Variants in ANKRD27 observed in about 807,000 individuals in gnomAD.
ANKRD27 encodes ankyrin repeat domain-containing protein 27.
ANKRD27 carries 112 observed loss-of-function variants against 129.7 expected under a neutral mutation model. That is an observed-to-expected ratio of 0.86 (90% CI 0.74 to 1.01). ANKRD27 has a LOEUF of 1.01. Among genes scored for constraint, ANKRD27 ranks in the 50% least tolerant of loss-of-function variants. The probability of loss-of-function intolerance (pLI) is 0.00; values close to 1 mark genes in which losing one functional copy is unlikely to be tolerated. For missense variants in ANKRD27, 1,258 were observed against 1,300.5 expected (o/e 0.97, Z 0.50); for synonymous variants, 516 against 511.2 (o/e 1.01, Z -0.13).
chr19:32,599,614 G>T, intron 28 of ANKRD27, 90 bp downstream of exon 28: 1 of 1,161,114 alleles, frequency 8.6e-7, no homozygotes, highest in South Asian at 1.4e-5. Context: ...TAATGAAGAT[G>T]ACGATCAAGG....
chr19:32,620,126 G>A (rs1971985173), intron 18 of ANKRD27, among the ~76,000 whole-genome samples: 2 of 152,078 alleles, frequency 1.3e-5, no homozygotes, highest in Non-Finnish European at 2.9e-5. Flanking sequence ...CCAGAAAGCT[G>A]CGACCTTGGC....
chr19:32,624,139 G>A (rs1424244277), intron 17 of ANKRD27, among the ~76,000 whole-genome samples: 1 of 152,058 alleles, frequency 6.6e-6, no homozygotes, highest in African/African-American at 2.4e-5. Context: ...GGCTGAGGCA[G>A]GCGGATCACT....
chr19:32,661,928 T>G (rs1967652935), intron 1 of ANKRD27, among the ~76,000 whole-genome samples: 1 of 152,212 alleles, frequency 6.6e-6, no homozygotes, highest in Non-Finnish European at 1.5e-5. Flanking sequence ...GCTTTTAAGG[T>G]CAGTGCTTTT....
At chr19:32,668,746 A>T (rs571279380) in intron 1 of ANKRD27, among the ~76,000 whole-genome samples, 1 of 151,772 alleles carries the variant, frequency 6.6e-6, no homozygotes, top group East Asian at 1.9e-4. Flanking sequence ...CACCGTGCCC[A>T]GCTAATTTTT....
chr19:32,636,723 C>CTCTCTA (rs1303688619), intron 12 of ANKRD27, among the ~76,000 whole-genome samples: 3 of 143,272 alleles, frequency 2.1e-5, no homozygotes, highest in Non-Finnish European at 4.6e-5. Context: ...CTCTCTCTCT[C>CTCTCTA]TATATATATA....
chr19:32,668,062 C>T (rs888659506), intron 1 of ANKRD27, among the ~76,000 whole-genome samples: 7 of 152,144 alleles, frequency 4.6e-5, no homozygotes, highest in Non-Finnish European at 8.8e-5. Flanking sequence ...GAATTCTATT[C>T]CTTGGAACTA....
At chr19:32,661,583 T>A (rs1202184413) in intron 1 of ANKRD27, among the ~76,000 whole-genome samples, 1 of 151,952 alleles carries the variant, frequency 6.6e-6, no homozygotes, top group East Asian at 1.9e-4. Flanking sequence ...CCTGATGCAA[T>A]CCTCCCACCT....
chr19:32,604,031 T>C (rs1395216514), intron 25 of ANKRD27, among the ~76,000 whole-genome samples: 4 of 152,166 alleles, frequency 2.6e-5, no homozygotes, highest in Admixed American at 6.5e-5. Flanking sequence ...CTCAGGCCTT[T>C]GAAAACCACC....
At chr19:32,628,656 G>T in intron 14 of ANKRD27, 66 bp downstream of exon 14, 1 of 1,599,464 alleles carries the variant, frequency 6.3e-7, no homozygotes, top group South Asian at 1.1e-5. Flanking sequence ...AGCGCACAGT[G>T]GAGAAGGTCC....
chr19:32,663,324 T>C (rs1967682534), intron 1 of ANKRD27, among the ~76,000 whole-genome samples: 1 of 152,132 alleles, frequency 6.6e-6, no homozygotes, highest in Non-Finnish European at 1.5e-5. Flanking sequence ...TCACACAACG[T>C]AGGAAGTAAT....
chr19:32,614,091 G>A (rs889911726), intron 22 of ANKRD27, among the ~76,000 whole-genome samples: 4 of 152,010 alleles, frequency 2.6e-5, no homozygotes, highest in Non-Finnish European at 4.4e-5. Context: ...GTGGCAGGGA[G>A]AGAGGTGGGT....
At chr19:32,663,553 C>A (rs1242527456) in intron 1 of ANKRD27, among the ~76,000 whole-genome samples, 2 of 152,110 alleles carry the variant, frequency 1.3e-5, no homozygotes, top group Non-Finnish European at 2.9e-5. Flanking sequence ...GTAAGCCAAT[C>A]GTCCCATCAT....
intron 13 of ANKRD27, among the ~76,000 whole-genome samples, chr19:32,630,459 C>A (rs999190680): frequency 3.9e-5 from 6 of 152,370 alleles, no homozygotes; most frequent in African/African-American, 1.4e-4. Context: ...CGCCCATAAA[C>A]ATCTGACAAC....
chr19:32,645,404 C>T (rs1370466124), intron 4 of ANKRD27, among the ~76,000 whole-genome samples: 1 of 151,686 alleles, frequency 6.6e-6, no homozygotes, highest in Non-Finnish European at 1.5e-5. Context: ...GAGCAAGACT[C>T]CATCTCAAAA....
intron 17 of ANKRD27, among the ~76,000 whole-genome samples, chr19:32,625,175 G>C (rs1972070286): frequency 6.6e-6 from 1 of 152,036 alleles, no homozygotes; most frequent in Admixed American, 6.6e-5. Flanking sequence ...AGAATCGCTT[G>C]AACCTGGAAG....
At position 32,614,018 on chromosome 19, in the gene ANKRD27, A is replaced by T. The variant is rs115578924; in HGVS notation, c.2175+1640T>A. On this transcript the variant is annotated intron_variant, in intron 22 of 28. Coordinates refer to ENST00000306065, the MANE Select transcript of ANKRD27 (RefSeq NM_032139.3). The stretch of plus-strand genomic sequence containing the variant: ...CCACTTATGTAACGTTTTTGAAGTG[A>T]CAGGATTAGGGAAATGGAGAACAGG... Among the ~76,000 whole-genome samples, 239 of 152,150 alleles carry T rather than the reference A, an allele frequency of 1.6e-3. 1 individual carries two copies. The highest frequency in any genetic ancestry group is 5.6e-3 in the African/African-American group (231 of 41,516).
In ANKRD27 at chr19:32,604,349, A is replaced by G. The variant is rs757710048; in HGVS notation, c.2569T>C (p.Phe857Leu). The change falls in exon 25 of 29, where the codon TTC becomes CTC. Residue 857 changes from phenylalanine to leucine, a missense_variant. Phe to Leu is a conservative substitution (Grantham distance 22). Coordinates refer to ENST00000306065, the MANE Select transcript of ANKRD27 (RefSeq NM_032139.3). The stretch of plus-strand genomic sequence containing the variant: ...TGGAGCAGAAGCAGCTCTACCACGA[A>G]GACGTGCTTTTCAATCACAGCCTCG... Reference protein sequence around the residue: ...LHEAVIEKHVFVVELLLLHGA... With the variant: ...LHEAVIEKHVLVVELLLLHGA... The G allele has an allele frequency of 1.9e-6, 3 of 1,613,932 alleles. No individual in the cohort carries two copies. Among genetic ancestry groups the G allele is most frequent in the Non-Finnish European group, 2.5e-6 (3 of 1,179,816 alleles).
chr19:32,630,056 C>T (rs1332911281), intron 13 of ANKRD27, among the ~76,000 whole-genome samples: 1 of 152,064 alleles, frequency 6.6e-6, no homozygotes, highest in African/African-American at 2.4e-5. Context: ...GTGCACACCA[C>T]CATGCCCAGC....
chr19:32,602,084 C>A lies in ANKRD27; in HGVS notation c.2698G>T (p.Val900Phe). 1 of 1,614,012 alleles carries A rather than the reference C, an allele frequency of 6.2e-7. No individual in the cohort carries two copies. Among genetic ancestry groups the A allele is most frequent in the Non-Finnish European group, 8.5e-7 (1 of 1,179,936 alleles). ...TCAGCCACATCATCTAATGAAGCAACACAGCTTGGTACCACCTGAAGCAAT... is the reference window on the plus strand; with the variant it reads ...TCAGCCACATCATCTAATGAAGCAAAACAGCTTGGTACCACCTGAAGCAAT... ...MELLQVVPSC[V>F]ASLDDVAETD... Residue 900 changes from valine (V) to phenylalanine (F), a missense_variant, in exon 26 of 29, where the codon GTT (valine) becomes TTT (phenylalanine). Coordinates refer to ENST00000306065, the MANE Select transcript of ANKRD27 (RefSeq NM_032139.3).
Sources: allele counts gnomAD v4.1 joint callset (sites outside exome capture counted in the v4.1 genomes callset), GRCh38; gene constraint gnomAD v4.1.1; transcripts MANE v1.5; gene names NCBI Gene and HGNC (gene_info 2026-07-23, HGNC 2026-07-21).